The following PALLD variants were observed in gnomAD, a reference collection of about 807,000 sequenced individuals.
PALLD encodes palladin, cytoskeletal associated protein.
PALLD carries 61 observed loss-of-function variants against 123.5 expected under a neutral mutation model. The ratio of observed to expected loss-of-function variants is 0.49; its 90% confidence interval spans 0.40 to 0.61. PALLD has a LOEUF of 0.61. Among genes scored for constraint, PALLD ranks in the 20% least tolerant of loss-of-function variants. The pLI is 0.00. For missense variants in PALLD, 1,273 were observed against 1,377.0 expected, an observed-to-expected ratio of 0.92 and a Z score of 1.20; for synonymous variants, 465 against 496.4, an observed-to-expected ratio of 0.94 and a Z score of 0.84.
chr4:168,502,175 T>A (rs1761476122), intron 1 of PALLD, among the ~76,000 whole-genome samples: 1 of 150,326 alleles, frequency 6.7e-6, no homozygotes, highest in African/African-American at 2.5e-5. Flanking sequence ...GTAAGCAAAA[T>A]AAATTTTTTT....
chr4:168,824,382 A>G (rs1743135488), intron 10 of PALLD, among the ~76,000 whole-genome samples: 1 of 152,158 alleles, frequency 6.6e-6, no homozygotes, highest in Non-Finnish European at 1.5e-5. Context: ...TTCATGAGCC[A>G]TATCTTATTA....
intron 15 of PALLD, 173 bp downstream of exon 15, chr4:168,904,079 A>T: frequency 1.5e-6 from 1 of 649,384 alleles, no homozygotes; most frequent in South Asian, 1.8e-5. Flanking sequence ...TCTTTGTTTC[A>T]TGAATACTTA....
intron 10 of PALLD, among the ~76,000 whole-genome samples, chr4:168,810,662 G>A (rs2150737100): frequency 6.6e-6 from 1 of 150,906 alleles, no homozygotes; most frequent in South Asian, 2.1e-4. Flanking sequence ...AAAAAAGAAG[G>A]CCGGGCGTGG....
intron 1 of PALLD, among the ~76,000 whole-genome samples, chr4:168,511,135 G>A (rs1762490937): frequency 6.6e-6 from 1 of 152,082 alleles, no homozygotes; most frequent in South Asian, 2.1e-4. Context: ...AGTAAGGTGG[G>A]CGGGGGGCTG....
chr4:168,700,029 C>T (rs144919260), intron 8 of PALLD: 11 of 306,810 alleles, frequency 3.6e-5, no homozygotes, highest in East Asian at 1.0e-4. Context: ...ATGTCTTATA[C>T]GTCTTTGTTC....
chr4:168,512,466 T>C, intron 2 of PALLD, 54 bp downstream of exon 2: 6 of 1,468,808 alleles, frequency 4.1e-6, no homozygotes, highest in South Asian at 1.2e-5. Flanking sequence ...TTGGTGTTAC[T>C]TTAATATGGG....
At chr4:168,920,928 T>TA (rs1761351816) in intron 17 of PALLD, among the ~76,000 whole-genome samples, 1 of 152,194 alleles carries the variant, frequency 6.6e-6, no homozygotes, top group African/African-American at 2.4e-5. Flanking sequence ...CTGGTGCTGA[T>TA]ATCATCCCAT....
intron 10 of PALLD, among the ~76,000 whole-genome samples, chr4:168,725,738 G>A (rs7438245): frequency 0.38 from 57,057 of 151,656 alleles, 11,025 homozygotes; most frequent in South Asian, 0.46. Context: ...ATGTTGGCCA[G>A]GATGGTCTCG....
chr4:168,677,255 C>T (rs1046456378), intron 3 of PALLD, among the ~76,000 whole-genome samples: 5 of 150,338 alleles, frequency 3.3e-5, no homozygotes, highest in East Asian at 2.1e-4. Flanking sequence ...GCGGGAGAAT[C>T]GCCCTGAGGG....
At chr4:168,634,442 T>A (rs1210661147) in intron 2 of PALLD, among the ~76,000 whole-genome samples, 1 of 152,242 alleles carries the variant, frequency 6.6e-6, no homozygotes, top group Non-Finnish European at 1.5e-5. Flanking sequence ...GAAAAGCTGT[T>A]CTTCGACTTT....
chr4:168,594,262 G>A (rs1162565257), intron 2 of PALLD, among the ~76,000 whole-genome samples: 1 of 152,198 alleles, frequency 6.6e-6, no homozygotes, highest in Non-Finnish European at 1.5e-5. Flanking sequence ...GATGGAATTT[G>A]ATGATCAGTT....
At chr4:168,850,188 G>A (rs558275302) in intron 10 of PALLD, among the ~76,000 whole-genome samples, 1 of 152,250 alleles carries the variant, frequency 6.6e-6, no homozygotes, top group East Asian at 1.9e-4. Context: ...AACCAAGCGT[G>A]GGGGTAGCTC....
Position 168,668,343 on chromosome 4 carries a change from A to C in PALLD, c.1062A>C (p.Thr354=). 1 of 1,611,616 alleles carries C rather than the reference A, an allele frequency of 6.2e-7. No individual in the cohort carries two copies. Among genetic ancestry groups the C allele is most frequent in the South Asian group, 1.1e-5 (1 of 90,648 alleles). ...CTACGAATCCCAGCGGCTCAGACAC[A>C]ACATCTGCTGAGGTGTTCATTGAAG... ...CLATNPSGSD[T]TSAEVFIEGA... The change falls in exon 3 of 22, where the codon ACA becomes ACC. Residue 354 remains threonine, a synonymous_variant. Coordinates refer to ENST00000505667, the MANE Select transcript of PALLD (RefSeq NM_001166108.2).
At chr4:168,796,214 C>T (rs981119439) in intron 10 of PALLD, among the ~76,000 whole-genome samples, 30 of 152,168 alleles carry the variant, frequency 2.0e-4, no homozygotes, top group African/African-American at 7.0e-4. Context: ...TCCTTCCCAG[C>T]TCTAACTAAT....
At chr4:168,777,379 C>T (rs1581418425) in intron 10 of PALLD, among the ~76,000 whole-genome samples, 1 of 152,118 alleles carries the variant, frequency 6.6e-6, no homozygotes, top group Admixed American at 6.5e-5. Flanking sequence ...GGACTTCCTG[C>T]CGCCTTAGAC....
chr4:168,792,618 T>G (rs1181084272), intron 10 of PALLD, among the ~76,000 whole-genome samples: 1 of 151,866 alleles, frequency 6.6e-6, no homozygotes, highest in Non-Finnish European at 1.5e-5. Context: ...AAGAGAGAGG[T>G]GAGCCTGTAT....
At chr4:168,891,241 C>T (rs2048578764) in intron 11 of PALLD, among the ~76,000 whole-genome samples, 184 bp downstream of exon 11, 1 of 152,206 alleles carries the variant, frequency 6.6e-6, no homozygotes, top group Non-Finnish European at 1.5e-5. Flanking sequence ...CAGCTCACTG[C>T]ATCCTTGACC....
chr4:168,561,766 G>C (rs1767892014), intron 2 of PALLD, among the ~76,000 whole-genome samples: 1 of 152,078 alleles, frequency 6.6e-6, no homozygotes, highest in African/African-American at 2.4e-5. Context: ...ACTTGAAGTA[G>C]AGTGGTTCCC....
intron 15 of PALLD, among the ~76,000 whole-genome samples, chr4:168,913,094 A>G (rs1417320235): frequency 6.6e-6 from 1 of 150,780 alleles, no homozygotes; most frequent in Non-Finnish European, 1.5e-5. Flanking sequence ...TCATTTTATC[A>G]TGCTCATTTT....
Sources: gnomAD v4.1 joint callset for allele counts (sites outside exome capture counted in the v4.1 genomes callset) on GRCh38, gnomAD v4.1.1 for gene constraint, MANE v1.5 for transcripts, NCBI Gene and HGNC (gene_info 2026-07-23, HGNC 2026-07-21) for gene names.